The following GSG1L variants were observed in gnomAD, a reference collection of about 807,000 sequenced individuals.
GSG1L encodes GSG1 like.
A neutral mutation model predicts 42.1 loss-of-function variants in GSG1L; 24 were observed. The observed-to-expected ratio is 0.57, with a 90% CI of 0.41 to 0.80. The LOEUF is 0.80. GSG1L is among the 30% of genes least tolerant of loss of function. GSG1L has a pLI of 0.00. For synonymous variants in GSG1L, 215 were observed against 203.5 expected, an observed-to-expected ratio of 1.06 and a Z score of -0.48; for missense variants, 445 against 472.2, an observed-to-expected ratio of 0.94 and a Z score of 0.53.
Position 27,884,450 on chromosome 16 carries a change from G to A in GSG1L, c.550+36C>T. On this transcript the variant is annotated intron_variant, in intron 3 of 6. Coordinates refer to ENST00000447459, the MANE Select transcript of GSG1L (RefSeq NM_001109763.2). The surrounding 1 kb of genome is among the most constrained non-coding windows in gnomAD (Gnocchi z 4.4). ...CCAAGGGCAGCACCCTTTCTCGCCT[G>A]TGCTCTGAGAGGCCACAGGACCAGC... 1 of 1,595,942 alleles carries A rather than the reference G, an allele frequency of 6.3e-7. No homozygotes were observed. Among genetic ancestry groups the A allele is most frequent in the Non-Finnish European group, 8.6e-7 (1 of 1,168,974 alleles).
chr16:28,014,473 G>A (rs1171851144), intron 1 of GSG1L, among the ~76,000 whole-genome samples: 5 of 151,938 alleles, frequency 3.3e-5, no homozygotes, highest in African/African-American at 1.2e-4. Context: ...GAAGAGTGGG[G>A]ATAAGCACAC....
intron 2 of GSG1L, among the ~76,000 whole-genome samples, chr16:27,902,653 G>C (rs956920313): frequency 6.6e-6 from 1 of 152,178 alleles, no homozygotes; most frequent in Non-Finnish European, 1.5e-5. Context: ...GGATGGGGAG[G>C]GGACAAGAGC....
At chr16:28,010,974 G>A (rs963317750) in intron 1 of GSG1L, among the ~76,000 whole-genome samples, 17 of 152,152 alleles carry the variant, frequency 1.1e-4, no homozygotes, top group Admixed American at 5.9e-4. Flanking sequence ...TGAGGGTAGA[G>A]CTGAGGAGGG....
At chr16:27,929,855 T>C (rs2141071651) in intron 2 of GSG1L, among the ~76,000 whole-genome samples, 1 of 152,132 alleles carries the variant, frequency 6.6e-6, no homozygotes, top group Middle Eastern at 3.4e-3. Flanking sequence ...GAAGAACAGC[T>C]CTCTGCCCTC....
chr16:27,794,357 G>A (rs4787434), intron 6 of GSG1L, among the ~76,000 whole-genome samples: 26,252 of 150,018 alleles, frequency 0.17, 2,340 homozygotes, highest in African/African-American at 0.23. Flanking sequence ...TTGAAACGGA[G>A]TCTCGCTCTG....
intron 6 of GSG1L, among the ~76,000 whole-genome samples, chr16:27,798,684 C>T (rs1039756008): frequency 6.6e-6 from 1 of 152,176 alleles, no homozygotes; most frequent in South Asian, 2.1e-4. Flanking sequence ...TTCTCAGCTA[C>T]AGATTCCTTG....
chr16:27,832,266 T>A (rs552551036), intron 4 of GSG1L, among the ~76,000 whole-genome samples: 2 of 152,286 alleles, frequency 1.3e-5, no homozygotes, highest in East Asian at 3.9e-4. Context: ...GGTAAACTCT[T>A]GCAAAACTAG....
At chr16:27,946,648 AAAGAAAGAAAAG>A (rs1318899844) in intron 2 of GSG1L, among the ~76,000 whole-genome samples, 3 of 15,984 alleles carry the variant, frequency 1.9e-4, no homozygotes, top group African/African-American at 2.9e-4. Flanking sequence ...AGAAAGAAAG[AAAGAAAGAAAAG>A]AAAGAAAGAA....
rs58679825 is a variant in GSG1L, at chr16:28,034,211, ACCCATCCCATCCCATCCCATCCCAT to A, written c.349+28840_349+28864del. ...ATGCAACTCATCTCATCCCATCCCA[ACCCATCCCATCCCATCCCATCCCAT>A]CCCATCCCATCCCATCCCATCCCAT... On this transcript the variant is annotated intron_variant, in intron 1 of 6. Coordinates refer to ENST00000447459, the MANE Select transcript of GSG1L (RefSeq NM_001109763.2). Among the ~76,000 whole-genome samples the A allele has an allele frequency of 2.6e-3, 143 of 54,036 alleles. 1 individual carries two copies. Among genetic ancestry groups the A allele is most frequent in the African/African-American group, 3.4e-3 (41 of 12,176 alleles). The allele number at this position is 54,036 out of a possible 152,430, so 35.4% of individuals were successfully genotyped here.
intron 3 of GSG1L, among the ~76,000 whole-genome samples, chr16:27,871,515 G>A (rs1317997418): frequency 2.0e-5 from 3 of 152,100 alleles, no homozygotes; most frequent in South Asian, 2.1e-4. Context: ...GGTGGCACAC[G>A]TGGTCCCAGC....
rs566517002 is a variant in GSG1L at position 27,909,685 on chromosome 16, A to G, written c.398-25047T>C. On this transcript the variant is annotated intron_variant, in intron 2 of 6. Coordinates refer to ENST00000447459, the MANE Select transcript of GSG1L (RefSeq NM_001109763.2). ...GAGACAAGGTCTTGCTCTGTTGCCC[A>G]TGCTGGAACACAATGGTGTGATCAT... Among the ~76,000 whole-genome samples, 326 of 123,400 alleles carry G rather than the reference A, an allele frequency of 2.6e-3. 1 individual carries two copies. Among genetic ancestry groups the G allele is most frequent in the African/African-American group, 0.01 (309 of 30,538 alleles). 81.0% of individuals were successfully genotyped at this position (123,400 alleles called of 152,430 possible). A position where few individuals can be genotyped will look rare whatever the true frequency, so the allele number is the denominator to read the frequency against.
chr16:27,866,574 CTTTTT>C (rs980062338), intron 3 of GSG1L, among the ~76,000 whole-genome samples: 8 of 152,062 alleles, frequency 5.3e-5, no homozygotes, highest in African/African-American at 1.9e-4. Context: ...TTTCACTTTT[CTTTTT>C]TAATTTTTTC....
chr16:27,830,155 G>A (rs549324774), intron 4 of GSG1L, among the ~76,000 whole-genome samples: 20 of 152,242 alleles, frequency 1.3e-4, no homozygotes, highest in African/African-American at 4.1e-4. Flanking sequence ...TGCATTCAAC[G>A]TTTAGTACCA....
chr16:27,867,242 G>A lies in GSG1L; in HGVS notation c.550+17244C>T, dbSNP rs145127507. ...AAGCTCAGTTCAGCGCACAGCAGGT[G>A]ATGCAGTGCTTATGCAGGCAGGCAC... On this transcript the variant is annotated intron_variant, in intron 3 of 6. Transcript: ENST00000447459. Among the ~76,000 whole-genome samples the A allele has an allele frequency of 3.0e-4, 46 of 152,280 alleles. 1 individual carries two copies. In the East Asian group the frequency reaches 8.7e-3, roughly 29 times the overall value.
At chr16:28,007,757 C>G (rs986934754) in intron 1 of GSG1L, among the ~76,000 whole-genome samples, 1 of 152,074 alleles carries the variant, frequency 6.6e-6, no homozygotes, top group African/African-American at 2.4e-5. Context: ...CTCAAGTGAT[C>G]CACCCACTTC....
chr16:27,859,498 G>A (rs2083617516), intron 3 of GSG1L, among the ~76,000 whole-genome samples: 1 of 152,314 alleles, frequency 6.6e-6, no homozygotes, highest in Non-Finnish European at 1.5e-5. Context: ...CAAATATAGG[G>A]GCAGAGAGGG....
chr16:27,958,584 G>T (rs970882626), intron 2 of GSG1L, among the ~76,000 whole-genome samples: 6 of 151,924 alleles, frequency 3.9e-5, no homozygotes, highest in African/African-American at 1.5e-4. Flanking sequence ...TTTTTTTCAA[G>T]AACTGATAAA....
intron 1 of GSG1L, among the ~76,000 whole-genome samples, chr16:28,019,826 C>T (rs1429908516): frequency 6.6e-6 from 1 of 152,170 alleles, no homozygotes; most frequent in Non-Finnish European, 1.5e-5. Context: ...AACAGTGGCC[C>T]CAGAGACAGA....
intron 2 of GSG1L, among the ~76,000 whole-genome samples, chr16:27,948,358 GTATTCTTATTCT>G (rs111330203): frequency 3.3e-5 from 5 of 150,684 alleles, no homozygotes; most frequent in Middle Eastern, 3.4e-3. Context: ...TAAGGTTTTG[GTATTCTTATTCT>G]TATTCTTATT....
Sources: gnomAD v4.1 joint callset for allele counts (sites outside exome capture counted in the v4.1 genomes callset) on GRCh38, gnomAD v4.1.1 for gene constraint, Gnocchi (gnomAD v3.1) non-coding constraint, MANE v1.5 for transcripts, NCBI Gene and HGNC (gene_info 2026-07-23, HGNC 2026-07-21) for gene names.